The following BANK1 variants were observed in gnomAD, a reference collection of about 807,000 sequenced individuals.
The protein encoded by BANK1 is B-cell scaffold protein with ankyrin repeats.
BANK1 carries 95 observed loss-of-function variants against 94.5 expected under a neutral mutation model. The observed-to-expected ratio is 1.00, with a 90% CI of 0.85 to 1.19. The LOEUF (loss-of-function observed/expected upper bound fraction) is 1.19. BANK1 is among the 50% of genes most tolerant of loss of function. BANK1 has a pLI of 0.00. For synonymous variants in BANK1, 334 were observed against 308.4 expected, an observed-to-expected ratio of 1.08 and a Z score of -0.87; for missense variants, 987 against 932.2, an observed-to-expected ratio of 1.06 and a Z score of -0.77.
intron 7 of BANK1, among the ~76,000 whole-genome samples, chr4:101,937,347 G>T (rs1429431794): frequency 6.6e-6 from 1 of 151,630 alleles, no homozygotes; most frequent in Admixed American, 6.6e-5. Context: ...TTTGACAAAG[G>T]GCTAATATCC....
intron 9 of BANK1, among the ~76,000 whole-genome samples, chr4:102,028,378 G>A (rs1301563391): frequency 2.0e-5 from 3 of 152,142 alleles, no homozygotes; most frequent in Non-Finnish European, 2.9e-5. Flanking sequence ...TAGGCACATC[G>A]GTAATTAATA....
At chr4:101,940,912 G>C (rs150448439) in intron 7 of BANK1, among the ~76,000 whole-genome samples, 6 of 151,736 alleles carry the variant, frequency 4.0e-5, no homozygotes, top group African/African-American at 1.4e-4. Context: ...TTGGAAGGAC[G>C]TCACTAAGCA....
intron 7 of BANK1, 78 bp downstream of exon 7, chr4:101,918,267 T>C: frequency 2.0e-6 from 2 of 998,552 alleles, no homozygotes; most frequent in Non-Finnish European, 2.8e-6. Context: ...AAAAAACCTA[T>C]TACCTTTACC....
At position 101,986,813 on chromosome 4, in the gene BANK1, ATATATATGTG is replaced by A. The variant is rs1560668049; in HGVS notation, c.1207-34693_1207-34684del. Among the ~76,000 whole-genome samples the A allele has an allele frequency of 5.0e-4, 70 of 140,236 alleles. 2 individuals are homozygous for A. Among genetic ancestry groups the A allele is most frequent in the Admixed American group, 2.4e-3 (33 of 13,706 alleles). 92.0% of individuals were successfully genotyped at this position (140,236 alleles called of 152,430 possible). On this transcript the variant is annotated intron_variant, in intron 7 of 16. Transcript: ENST00000322953. ...TGTATATATATGTGTATATATATGT[ATATATATGTG>A]TATATATATGTATATATATGTGTAT...
chr4:101,959,570 G>T (rs1192122413), intron 7 of BANK1, among the ~76,000 whole-genome samples: 1 of 152,180 alleles, frequency 6.6e-6, no homozygotes, highest in East Asian at 1.9e-4. Context: ...ACGAATAGTG[G>T]CAATATCCAT....
At chr4:101,866,114 G>A (rs1728059894) in intron 4 of BANK1, among the ~76,000 whole-genome samples, 1 of 152,066 alleles carries the variant, frequency 6.6e-6, no homozygotes, top group Non-Finnish European at 1.5e-5. Flanking sequence ...CATGGAAAAT[G>A]TATGAAAGAA....
chr4:101,936,242 A>G (rs770087851), intron 7 of BANK1, among the ~76,000 whole-genome samples: 5 of 135,088 alleles, frequency 3.7e-5, no homozygotes, highest in Non-Finnish European at 6.6e-5. Context: ...TGATATGTAT[A>G]CATATATGAC....
chr4:101,846,998 T>C (rs188766126), intron 2 of BANK1, among the ~76,000 whole-genome samples: 6 of 152,302 alleles, frequency 3.9e-5, no homozygotes, highest in Admixed American at 3.3e-4. Flanking sequence ...TCACCCTCCC[T>C]GTCAGCATCT....
At chr4:101,852,651 C>T (rs1404304469) in intron 2 of BANK1, among the ~76,000 whole-genome samples, 1 of 150,960 alleles carries the variant, frequency 6.6e-6, no homozygotes, top group Non-Finnish European at 1.5e-5. Flanking sequence ...TCAGTTATAT[C>T]GTAAACTTCT....
At chr4:102,049,541 C>T (rs1427437228) in intron 11 of BANK1, among the ~76,000 whole-genome samples, 2 of 152,092 alleles carry the variant, frequency 1.3e-5, no homozygotes, top group African/African-American at 4.8e-5. Context: ...GTCAAATGAA[C>T]CTTATCAAGG....
intron 1 of BANK1, among the ~76,000 whole-genome samples, chr4:101,817,490 G>C (rs1247254920): frequency 6.6e-6 from 1 of 152,074 alleles, no homozygotes; most frequent in African/African-American, 2.4e-5. Context: ...AGAAAACATG[G>C]ACACATAGAG....
chr4:101,995,486 G>A (rs996222843), intron 7 of BANK1, among the ~76,000 whole-genome samples: 8 of 152,204 alleles, frequency 5.3e-5, no homozygotes, highest in African/African-American at 1.9e-4. Flanking sequence ...GGGTCAAATG[G>A]TATTTCCAGT....
At chr4:101,805,383 G>A (rs1725517070) in intron 1 of BANK1, among the ~76,000 whole-genome samples, 1 of 151,966 alleles carries the variant, frequency 6.6e-6, no homozygotes. Context: ...ACTCAGGTGG[G>A]ATGCTCTTTA....
At chr4:101,819,391 T>C (rs540450757) in intron 1 of BANK1, among the ~76,000 whole-genome samples, 9 of 152,190 alleles carry the variant, frequency 5.9e-5, no homozygotes, top group Admixed American at 5.2e-4. Flanking sequence ...TAAATTAGGG[T>C]GCAGTCTATG....
At chr4:101,983,248 C>T (rs1271546546) in intron 7 of BANK1, among the ~76,000 whole-genome samples, 1 of 152,012 alleles carries the variant, frequency 6.6e-6, no homozygotes, top group Non-Finnish European at 1.5e-5. Flanking sequence ...CTCTCAAATA[C>T]AGCACTGACA....
intron 1 of BANK1, among the ~76,000 whole-genome samples, chr4:101,822,511 T>A (rs543885673): frequency 6.6e-6 from 1 of 152,336 alleles, no homozygotes; most frequent in African/African-American, 2.4e-5. Flanking sequence ...AGTTAAAATT[T>A]ATCTTTAAAT....
At chr4:101,931,594 T>G (rs1413431545) in intron 7 of BANK1, among the ~76,000 whole-genome samples, 1 of 151,558 alleles carries the variant, frequency 6.6e-6, no homozygotes, top group Non-Finnish European at 1.5e-5. Context: ...CAGTTCCTTA[T>G]CATTAATCTC....
chr4:101,892,787 A>C (rs919387652), intron 5 of BANK1, among the ~76,000 whole-genome samples: 14 of 151,984 alleles, frequency 9.2e-5, no homozygotes, highest in Non-Finnish European at 1.8e-4. Flanking sequence ...AAGAAGAGAA[A>C]AATTCTAATT....
At chr4:102,043,981 A>T (rs1727789580) in intron 11 of BANK1, 74 bp downstream of exon 11, 1 of 836,074 alleles carries the variant, frequency 1.2e-6, no homozygotes, top group Non-Finnish European at 2.0e-6. Context: ...TACAGAGTAA[A>T]GCCTCCTAGG....
Sources: allele counts gnomAD v4.1 joint callset (sites outside exome capture counted in the v4.1 genomes callset), GRCh38; gene constraint gnomAD v4.1.1; transcripts MANE v1.5; gene names NCBI Gene and HGNC (gene_info 2026-07-23, HGNC 2026-07-21).